SCTR: variants seen among roughly 807,000 people sequenced by gnomAD.
SCTR encodes pancreatic secretin receptor.
In SCTR, 56 loss-of-function variants were observed where a neutral mutation model predicts 60.8. The ratio of observed to expected loss-of-function variants is 0.92; its 90% CI spans 0.74 to 1.15. The LOEUF (loss-of-function observed/expected upper bound fraction) is 1.15, where lower values mean the gene tolerates loss of function less well. Among genes scored for constraint, SCTR ranks in the 50% most tolerant of loss-of-function variants. The probability of loss-of-function intolerance (pLI) is 0.00; values close to 1 mark genes in which losing one functional copy is unlikely to be tolerated. For synonymous variants in SCTR, 202 were observed against 217.0 expected, an observed-to-expected ratio of 0.93 and a Z score of 0.61; for missense variants, 562 against 550.4, an observed-to-expected ratio of 1.02 and a Z score of -0.21.
chr2:119,499,553 TA>T (rs1366506447), intron 1 of SCTR, among the ~76,000 whole-genome samples: 1 of 151,742 alleles, frequency 6.6e-6, no homozygotes, highest in Non-Finnish European at 1.5e-5. Flanking sequence ...TAAAAATAAA[TA>T]ACAGAAAGAA....
intron 1 of SCTR, among the ~76,000 whole-genome samples, chr2:119,503,883 G>A (rs1678643985): frequency 6.6e-6 from 1 of 152,080 alleles, no homozygotes; most frequent in South Asian, 2.1e-4. Context: ...AACTGGAGAG[G>A]AGGGATTGAA....
At chr2:119,443,567 G>T (rs986278715) in intron 11 of SCTR, among the ~76,000 whole-genome samples, 1 of 151,406 alleles carries the variant, frequency 6.6e-6, no homozygotes, top group Non-Finnish European at 1.5e-5. Context: ...TTTTTTTGGA[G>T]ACGGAGTCTC....
At chr2:119,499,663 A>C (rs1558875269) in intron 1 of SCTR, among the ~76,000 whole-genome samples, 1 of 152,136 alleles carries the variant, frequency 6.6e-6, no homozygotes, top group East Asian at 1.9e-4. Flanking sequence ...TATCGTATTA[A>C]CAGCTGAAGA....
At chr2:119,517,158 T>A (rs1679140464) in intron 1 of SCTR, among the ~76,000 whole-genome samples, 1 of 152,080 alleles carries the variant, frequency 6.6e-6, no homozygotes, top group Non-Finnish European at 1.5e-5. Context: ...GTTGTACACT[T>A]TAAGTGCTTT....
chr2:119,503,110 G>C, intron 1 of SCTR, among the ~76,000 whole-genome samples: 1 of 130,920 alleles, frequency 7.6e-6, no homozygotes, highest in South Asian at 2.4e-4. Flanking sequence ...AATGAGCCAA[G>C]ATAGCGCCAG....
chr2:119,520,684 T>C (rs1002432301), intron 1 of SCTR, among the ~76,000 whole-genome samples: 5 of 151,992 alleles, frequency 3.3e-5, no homozygotes, highest in African/African-American at 1.2e-4. Context: ...GGGATGGAGA[T>C]AGGAGGGAAA....
chr2:119,516,398 T>A (rs939666965), intron 1 of SCTR, among the ~76,000 whole-genome samples: 54 of 152,180 alleles, frequency 3.5e-4, no homozygotes, highest in African/African-American at 1.3e-3. Flanking sequence ...AAAAAGGAGA[T>A]CCTATCATTA....
intron 1 of SCTR, among the ~76,000 whole-genome samples, chr2:119,503,485 A>G (rs1678625221): frequency 6.6e-6 from 1 of 152,192 alleles, no homozygotes; most frequent in African/African-American, 2.4e-5. Flanking sequence ...GCAGTGAGCC[A>G]TGATAGCACT....
intron 4 of SCTR, among the ~76,000 whole-genome samples, chr2:119,470,320 C>A (rs138412300): frequency 1.2e-3 from 187 of 152,262 alleles, no homozygotes; most frequent in African/African-American, 4.4e-3. Flanking sequence ...CATACCTTCA[C>A]CCTCAGTTGA....
chr2:119,498,752 A>G (rs1206886554), intron 1 of SCTR, among the ~76,000 whole-genome samples: 6 of 152,082 alleles, frequency 3.9e-5, no homozygotes, highest in Non-Finnish European at 7.4e-5. Flanking sequence ...CTGTAGATAA[A>G]TCAAAATAGA....
At chr2:119,474,867 T>C (rs1430491726) in intron 3 of SCTR, among the ~76,000 whole-genome samples, 1 of 152,212 alleles carries the variant, frequency 6.6e-6, no homozygotes, top group Non-Finnish European at 1.5e-5. Context: ...TCCTCTGAGA[T>C]CTGGGCATGC....
Position 119,478,830 on chromosome 2 carries a change from CCG to C in SCTR, c.280_281del (p.Arg94AspfsTer26). On this transcript the variant is annotated frameshift_variant, in exon 3 of 13. Transcript: ENST00000019103. LOFTEE classifies it high-confidence loss of function. ...GGTTACCATTTCTGCTGGTGAGCAT[CCG>C]GAGGAATCTCGGGCATTCCACCTCC... ...MVEVECPRFL[R>X]MLTSRNGSLF... The C allele has an allele frequency of 6.2e-7, 1 of 1,614,214 alleles. No homozygotes were observed. Among genetic ancestry groups the C allele is most frequent in the Non-Finnish European group, 8.5e-7 (1 of 1,180,038 alleles).
chr2:119,499,863 G>A (rs1267247589), intron 1 of SCTR, among the ~76,000 whole-genome samples: 3 of 152,072 alleles, frequency 2.0e-5, no homozygotes, highest in Admixed American at 1.3e-4. Flanking sequence ...ATGGCAAGAT[G>A]TCTACTCTCA....
chr2:119,460,449 T>C (rs903166314), intron 7 of SCTR, among the ~76,000 whole-genome samples: 9 of 151,020 alleles, frequency 6.0e-5, no homozygotes, highest in African/African-American at 2.2e-4. Context: ...GATGGATGGA[T>C]GGATGGATGG....
At chr2:119,471,594 C>A (rs183528762) in intron 4 of SCTR, among the ~76,000 whole-genome samples, 1 of 152,194 alleles carries the variant, frequency 6.6e-6, no homozygotes, top group African/African-American at 2.4e-5. Context: ...TGCTCTGACA[C>A]ACAACTTCCT....
chr2:119,509,180 A>G (rs376177701), intron 1 of SCTR, among the ~76,000 whole-genome samples: 1 of 152,218 alleles, frequency 6.6e-6, no homozygotes, highest in Non-Finnish European at 1.5e-5. Flanking sequence ...TAGCTTGCTC[A>G]TCTTAGAATG....
At chr2:119,457,239 A>G (rs763424177) in intron 7 of SCTR, among the ~76,000 whole-genome samples, 1 of 152,218 alleles carries the variant, frequency 6.6e-6, no homozygotes, top group Non-Finnish European at 1.5e-5. Context: ...TATAAAAAGC[A>G]AAGGAAAAAT....
At chr2:119,454,179 G>T (rs115228477) in intron 7 of SCTR, among the ~76,000 whole-genome samples, 9 of 152,130 alleles carry the variant, frequency 5.9e-5, no homozygotes, top group African/African-American at 2.2e-4. Flanking sequence ...GGGCAATGCC[G>T]CTGGGGAAGT....
intron 7 of SCTR, among the ~76,000 whole-genome samples, chr2:119,455,529 C>G (rs563399715): frequency 7.9e-4 from 120 of 152,302 alleles, no homozygotes; most frequent in African/African-American, 2.8e-3. Context: ...GATAAAAGGT[C>G]GTATCTACAA....
Sources: allele counts gnomAD v4.1 joint callset (sites outside exome capture counted in the v4.1 genomes callset), GRCh38; gene constraint gnomAD v4.1.1; transcripts MANE v1.5; gene names NCBI Gene and HGNC (gene_info 2026-07-23, HGNC 2026-07-21).